HS6ST3: variants seen among roughly 807,000 people sequenced by gnomAD.
HS6ST3 encodes heparan sulfate 6-O-sulfotransferase 3.
A neutral mutation model predicts 36.7 loss-of-function variants in HS6ST3; 12 were observed. The observed-to-expected ratio is 0.33, with a 90% CI of 0.21 to 0.53. The LOEUF is 0.53. Ranked by LOEUF, HS6ST3 falls within the 20% of genes least tolerant of loss-of-function variation. The probability of loss-of-function intolerance (pLI) is 0.95; values close to 1 mark genes in which losing one functional copy is unlikely to be tolerated. For synonymous variants in HS6ST3, 240 were observed against 257.5 expected, an observed-to-expected ratio of 0.93 and a Z score of 0.65; for missense variants, 584 against 640.9, an observed-to-expected ratio of 0.91 and a Z score of 0.96.
intron 1 of HS6ST3, among the ~76,000 whole-genome samples, chr13:96,367,837 G>T (rs1375989510): frequency 6.6e-6 from 1 of 152,074 alleles, no homozygotes; most frequent in Non-Finnish European, 1.5e-5. Context: ...TAATCTATTT[G>T]CCAGCTGCCC....
intron 1 of HS6ST3, among the ~76,000 whole-genome samples, chr13:96,587,247 AT>A (rs976996796): frequency 4.0e-5 from 6 of 149,396 alleles, no homozygotes; most frequent in Admixed American, 2.0e-4. Flanking sequence ...TTATTTATTT[AT>A]TTTTTTTGCT....
chr13:96,652,211 A>G (rs1434089182), intron 1 of HS6ST3, among the ~76,000 whole-genome samples: 2 of 152,064 alleles, frequency 1.3e-5, no homozygotes, highest in Admixed American at 6.6e-5. Flanking sequence ...CTACCATTAT[A>G]TATAATTTCT....
At chr13:96,445,800 G>A (rs372270233) in intron 1 of HS6ST3, among the ~76,000 whole-genome samples, 5 of 151,712 alleles carry the variant, frequency 3.3e-5, no homozygotes, top group Admixed American at 6.6e-5. Flanking sequence ...CCCAGGAGGC[G>A]GAGGTTGCAG....
At chr13:96,702,486 A>C (rs778494517) in intron 1 of HS6ST3, among the ~76,000 whole-genome samples, 3 of 152,198 alleles carry the variant, frequency 2.0e-5, no homozygotes, top group Non-Finnish European at 4.4e-5. Context: ...ACATTAGCTG[A>C]TAACACATAT....
chr13:96,601,263 T>C (rs1029006978), intron 1 of HS6ST3, among the ~76,000 whole-genome samples: 7 of 152,148 alleles, frequency 4.6e-5, no homozygotes, highest in African/African-American at 1.7e-4. Flanking sequence ...ATAGTTTTTT[T>C]CAAACTTTTA....
At chr13:96,368,837 C>T (rs1166707029) in intron 1 of HS6ST3, among the ~76,000 whole-genome samples, 6 of 152,212 alleles carry the variant, frequency 3.9e-5, no homozygotes, top group South Asian at 4.1e-4. Flanking sequence ...AGTGGGACTA[C>T]GGGAACTGCT....
chr13:96,347,706 G>C (rs192217636), intron 1 of HS6ST3, among the ~76,000 whole-genome samples: 1 of 152,216 alleles, frequency 6.6e-6, no homozygotes, highest in Admixed American at 6.5e-5. Context: ...GTCTGTGCTT[G>C]GGAAAAATTC....
intron 1 of HS6ST3, among the ~76,000 whole-genome samples, chr13:96,640,289 G>T (rs569545844): frequency 3.2e-4 from 48 of 151,772 alleles, no homozygotes; most frequent in Non-Finnish European, 6.2e-4. Context: ...ATCTTCTTGT[G>T]GTTTTGGTTT....
At chr13:96,212,227 C>T (rs989774197) in intron 1 of HS6ST3, among the ~76,000 whole-genome samples, 1 of 152,148 alleles carries the variant, frequency 6.6e-6, no homozygotes, top group Admixed American at 6.6e-5. Context: ...TTAGTTTTAG[C>T]CACGCACACA....
At chr13:96,543,889 A>AT (rs1034104738) in intron 1 of HS6ST3, among the ~76,000 whole-genome samples, 6 of 151,378 alleles carry the variant, frequency 4.0e-5, no homozygotes, top group Non-Finnish European at 7.4e-5. Context: ...ACAGAATCAA[A>AT]TTTTTTTTTC....
intron 1 of HS6ST3, among the ~76,000 whole-genome samples, chr13:96,700,079 G>A (rs1052383304): frequency 6.6e-6 from 1 of 152,118 alleles, no homozygotes; most frequent in African/African-American, 2.4e-5. Flanking sequence ...TTTCATCAGT[G>A]TATACCTTAG....
chr13:96,725,391 AT>A (rs1875977472), intron 1 of HS6ST3, among the ~76,000 whole-genome samples: 1 of 152,074 alleles, frequency 6.6e-6, no homozygotes, highest in African/African-American at 2.4e-5. Flanking sequence ...AGTTAATCAT[AT>A]TTTTCTTTTA....
At chr13:96,417,710 G>A (rs910272739) in intron 1 of HS6ST3, among the ~76,000 whole-genome samples, 7 of 97,494 alleles carry the variant, frequency 7.2e-5, no homozygotes, top group Admixed American at 3.5e-4. Flanking sequence ...TTATATGTAC[G>A]TATCTGTATA....
At chr13:96,129,142 T>C (rs1208345177) in intron 1 of HS6ST3, among the ~76,000 whole-genome samples, 1 of 152,234 alleles carries the variant, frequency 6.6e-6, no homozygotes, top group Non-Finnish European at 1.5e-5. Flanking sequence ...TGAGCCACCA[T>C]GCCCAGCTCC....
At chr13:96,296,258 T>A (rs1417187805) in intron 1 of HS6ST3, among the ~76,000 whole-genome samples, 1 of 152,162 alleles carries the variant, frequency 6.6e-6, no homozygotes, top group Non-Finnish European at 1.5e-5. Flanking sequence ...ATTTATACTC[T>A]ACACTTGTAA....
intron 1 of HS6ST3, among the ~76,000 whole-genome samples, chr13:96,710,164 C>T (rs1421161809): frequency 1.3e-5 from 2 of 152,230 alleles, no homozygotes; most frequent in Non-Finnish European, 2.9e-5. Context: ...TACTATATAT[C>T]ATTAGGCTAC....
intron 1 of HS6ST3, among the ~76,000 whole-genome samples, chr13:96,095,245 C>T (rs2053784640): frequency 6.6e-6 from 1 of 152,178 alleles, no homozygotes; most frequent in Admixed American, 6.6e-5. Context: ...CCAGGCACTA[C>T]GATAGTTCTG....
chr13:96,237,680 A>AAC (rs1395019697), intron 1 of HS6ST3, among the ~76,000 whole-genome samples: 1 of 152,180 alleles, frequency 6.6e-6, no homozygotes, highest in African/African-American at 2.4e-5. Flanking sequence ...TTTTAACCCC[A>AAC]ACACTCAGTT....
At chr13:96,698,322 T>A (rs1427126161) in intron 1 of HS6ST3, among the ~76,000 whole-genome samples, 1 of 152,188 alleles carries the variant, frequency 6.6e-6, no homozygotes, top group Non-Finnish European at 1.5e-5. Flanking sequence ...TGTGATAGTT[T>A]GCTGAGAATG....
Sources: gnomAD v4.1 joint callset for allele counts (sites outside exome capture counted in the v4.1 genomes callset) on GRCh38, gnomAD v4.1.1 for gene constraint, MANE v1.5 for transcripts, NCBI Gene and HGNC (gene_info 2026-07-23, HGNC 2026-07-21) for gene names.